DTWD2: variants seen among roughly 807,000 people sequenced by gnomAD.
DTWD2 encodes the protein tRNA-uridine aminocarboxypropyltransferase 2.
DTWD2 carries 39 observed loss-of-function variants against 31.8 expected under a neutral mutation model. The ratio of observed to expected loss-of-function variants is 1.22; its 90% CI spans 0.95 to 1.60. DTWD2 has a LOEUF of 1.60. DTWD2 is among the 40% of genes most tolerant of loss of function. DTWD2 has a pLI of 0.00. For missense variants in DTWD2, 515 were observed against 381.5 expected, an observed-to-expected ratio of 1.35 and a Z score of -2.92; for synonymous variants, 180 against 142.8, an observed-to-expected ratio of 1.26 and a Z score of -1.86.
chr5:118,897,383 G>C (rs942728410), intron 4 of DTWD2, among the ~76,000 whole-genome samples: 2 of 152,188 alleles, frequency 1.3e-5, no homozygotes, highest in African/African-American at 4.8e-5. Context: ...AGTCACCTAG[G>C]CACCCTTTGC....
chr5:118,889,665 C>G (rs111621298), intron 4 of DTWD2, among the ~76,000 whole-genome samples: 7 of 152,196 alleles, frequency 4.6e-5, no homozygotes, highest in African/African-American at 1.7e-4. Flanking sequence ...TCACTGTATA[C>G]TCTCTCATCT....
chr5:118,950,612 G>T (rs560120317), intron 1 of DTWD2, among the ~76,000 whole-genome samples: 3 of 152,352 alleles, frequency 2.0e-5, no homozygotes, highest in Non-Finnish European at 4.4e-5. Flanking sequence ...ACATGACTAA[G>T]GAGGAATCCC....
chr5:118,988,149 T>C (rs1755471245), intron 1 of DTWD2, 145 bp downstream of exon 1: 1 of 986,866 alleles, frequency 1.0e-6, no homozygotes. Flanking sequence ...GTGCCTGGCA[T>C]TTCCGAGATT....
At chr5:118,928,392 A>G (rs979089289) in intron 4 of DTWD2, 145 bp downstream of exon 4, 6 of 417,968 alleles carry the variant, frequency 1.4e-5, no homozygotes, top group Non-Finnish European at 2.4e-5. Context: ...ACATAAGCAT[A>G]CATATATCTA....
intron 4 of DTWD2, among the ~76,000 whole-genome samples, chr5:118,871,817 C>G (rs1004032385): frequency 6.6e-6 from 1 of 152,066 alleles, no homozygotes; most frequent in Non-Finnish European, 1.5e-5. Flanking sequence ...CTGCATTATC[C>G]CCTAACAAGC....
chr5:118,914,935 A>G (rs1753539768), intron 4 of DTWD2, among the ~76,000 whole-genome samples: 1 of 152,184 alleles, frequency 6.6e-6, no homozygotes. Flanking sequence ...ACAAAAATAT[A>G]TTAATATAAA....
intron 4 of DTWD2, among the ~76,000 whole-genome samples, chr5:118,912,998 A>T (rs1753493079): frequency 6.6e-6 from 1 of 152,180 alleles, no homozygotes; most frequent in African/African-American, 2.4e-5. Flanking sequence ...GATAGTTTGC[A>T]GGTATAGTTA....
chr5:118,953,926 C>A (rs900574426), intron 1 of DTWD2, among the ~76,000 whole-genome samples: 10 of 152,182 alleles, frequency 6.6e-5, no homozygotes, highest in Non-Finnish European at 1.2e-4. Flanking sequence ...CAGATATCTG[C>A]AGAGCTTAAA....
intron 1 of DTWD2, among the ~76,000 whole-genome samples, chr5:118,944,935 C>T (rs913114047): frequency 2.6e-5 from 4 of 152,144 alleles, no homozygotes; most frequent in Non-Finnish European, 5.9e-5. Flanking sequence ...CATCTGGTCC[C>T]TTTATTCAAA....
chr5:118,846,594 T>C (rs1054803858), intron 5 of DTWD2, among the ~76,000 whole-genome samples: 1 of 152,154 alleles, frequency 6.6e-6, no homozygotes, highest in Non-Finnish European at 1.5e-5. Context: ...ACGCAGAGAC[T>C]GTAGAGAAAG....
chr5:118,838,410 A>G lies in DTWD2; in HGVS notation c.*2507T>C, dbSNP rs1751625299. On this transcript the variant is annotated 3_prime_UTR_variant, in exon 6 of 6. Transcript: ENST00000510708. ...CTTCCAGGAAAAATCAAGCAAATAT[A>G]AAGAATCTGAATTTAAAAGCCAACT... 6.6e-6 allele frequency: 1 copy of G among 152,222 alleles called. No individual in the cohort carries two copies. The highest frequency in any genetic ancestry group is 2.4e-5 in the African/African-American group (1 of 41,472). 9.4% of individuals were successfully genotyped at this position (152,222 alleles called of 1,614,324 possible). A position where few individuals can be genotyped will look rare whatever the true frequency, so the allele number is the denominator to read the frequency against.
chr5:118,876,836 C>CA (rs1230975887), intron 4 of DTWD2, among the ~76,000 whole-genome samples: 10 of 152,094 alleles, frequency 6.6e-5, no homozygotes, highest in African/African-American at 2.4e-4. Flanking sequence ...AAAACTATTC[C>CA]AAAAGATTGA....
At position 118,841,855 on chromosome 5, in the gene DTWD2, TGAA is replaced by T. The variant is rs377494137; in HGVS notation, c.727-771_727-769del. On this transcript the variant is annotated intron_variant, in intron 5 of 5. Coordinates refer to ENST00000510708, the MANE Select transcript of DTWD2 (RefSeq NM_173666.4). ...CCTTCCTTGGGCCTGAGACCCCTGA[TGAA>T]GATATTTTCAAAAATAACAGCAAAA... Among the ~76,000 whole-genome samples the T allele has an allele frequency of 1.6e-4, 24 of 151,832 alleles. No homozygotes were observed. The East Asian group carries it at 4.4e-3, about 28-fold the overall frequency.
intron 4 of DTWD2, among the ~76,000 whole-genome samples, chr5:118,863,720 G>A (rs560174080): frequency 6.6e-6 from 1 of 152,284 alleles, no homozygotes; most frequent in East Asian, 1.9e-4. Context: ...CTCATGGAAG[G>A]AGCAGATCCA....
At chr5:118,884,334 G>A (rs1220945470) in intron 4 of DTWD2, among the ~76,000 whole-genome samples, 1 of 152,132 alleles carries the variant, frequency 6.6e-6, no homozygotes, top group Non-Finnish European at 1.5e-5. Context: ...TGCTTATCCT[G>A]AGTTCTAGAA....
chr5:118,967,093 G>A (rs866550580), intron 1 of DTWD2, among the ~76,000 whole-genome samples: 7 of 151,978 alleles, frequency 4.6e-5, no homozygotes, highest in Middle Eastern at 6.8e-3. Context: ...CAGAAGTATG[G>A]GTTCGCAATT....
At chr5:118,890,460 C>G (rs1023020390) in intron 4 of DTWD2, among the ~76,000 whole-genome samples, 15 of 150,786 alleles carry the variant, frequency 9.9e-5, no homozygotes, top group African/African-American at 3.7e-4. Flanking sequence ...TTAAAGCAAT[C>G]AAACTCCTGA....
chr5:118,900,830 C>T (rs112105282), intron 4 of DTWD2, among the ~76,000 whole-genome samples: 7,425 of 151,238 alleles, frequency 0.049, 558 homozygotes, highest in African/African-American at 0.16. Flanking sequence ...GAGGCTGAGG[C>T]AGGAGAATGG....
At chr5:118,982,622 A>G (rs1002815205) in intron 1 of DTWD2, among the ~76,000 whole-genome samples, 7 of 152,066 alleles carry the variant, frequency 4.6e-5, no homozygotes, top group African/African-American at 1.7e-4. Context: ...AGAATACCCA[A>G]ATTTTTACCC....
Sources: gnomAD v4.1 joint callset for allele counts (sites outside exome capture counted in the v4.1 genomes callset) on GRCh38, gnomAD v4.1.1 for gene constraint, MANE v1.5 for transcripts, NCBI Gene and HGNC (gene_info 2026-07-23, HGNC 2026-07-21) for gene names.